The following PDE11A variants were observed in gnomAD, a reference collection of about 807,000 sequenced individuals.
PDE11A encodes dual 3',5'-cyclic-AMP and -GMP phosphodiesterase 11A.
A neutral mutation model predicts 100.5 loss-of-function variants in PDE11A; 100 were observed. The observed-to-expected ratio is 1.00, with a 90% CI of 0.85 to 1.18. The LOEUF (loss-of-function observed/expected upper bound fraction) is 1.18, where lower values mean the gene tolerates loss of function less well. Ranked by LOEUF, PDE11A falls within the 50% of genes most tolerant of loss-of-function variation. The pLI, the probability that PDE11A is intolerant of heterozygous loss-of-function variation, is 0.00. For missense variants in PDE11A, 1,141 were observed against 1,152.6 expected (o/e 0.99, Z 0.15); for synonymous variants, 381 against 420.8 (o/e 0.91, Z 1.16).
chr2:177,705,729 A>G (rs1434809779), intron 13 of PDE11A, among the ~76,000 whole-genome samples: 3 of 152,250 alleles, frequency 2.0e-5, no homozygotes, highest in African/African-American at 7.2e-5. Flanking sequence ...AAAGGTAATT[A>G]GGAAATTGAG....
intron 10 of PDE11A, among the ~76,000 whole-genome samples, chr2:177,739,567 G>T (rs2081842773): frequency 6.6e-6 from 1 of 152,102 alleles, no homozygotes; most frequent in African/African-American, 2.4e-5. Flanking sequence ...CAGAAGAAAT[G>T]TTTCAAAATT....
At chr2:177,742,541 C>T (rs185838877) in intron 10 of PDE11A, among the ~76,000 whole-genome samples, 10 of 152,306 alleles carry the variant, frequency 6.6e-5, no homozygotes, top group Non-Finnish European at 1.5e-4. Context: ...TTGACAAATA[C>T]TTAGTGAGGG....
intron 2 of PDE11A, among the ~76,000 whole-genome samples, chr2:177,994,786 T>C (rs551085954): frequency 6.6e-6 from 1 of 152,332 alleles, no homozygotes; most frequent in East Asian, 1.9e-4. Context: ...TTTGTAGTTT[T>C]GTTGTTTTAA....
chr2:177,668,576 T>C (rs957426077), intron 18 of PDE11A, among the ~76,000 whole-genome samples: 2 of 152,216 alleles, frequency 1.3e-5, no homozygotes, highest in Admixed American at 1.3e-4. Flanking sequence ...TTAGCAAGAC[T>C]GTGCGTTCTG....
At chr2:178,048,116 G>A (rs1051208568) in intron 1 of PDE11A, among the ~76,000 whole-genome samples, 52 of 152,298 alleles carry the variant, frequency 3.4e-4, no homozygotes, top group African/African-American at 1.3e-3. Flanking sequence ...TCAATAATCT[G>A]GGTGAAAGAT....
chr2:177,853,637 T>C (rs1401747910), intron 5 of PDE11A, among the ~76,000 whole-genome samples: 2 of 5,332 alleles, frequency 3.8e-4, no homozygotes, highest in East Asian at 9.1e-3. Context: ...AAGTCCTGCA[T>C]ATATATATAT....
At chr2:177,691,800 G>C (rs897007959) in intron 15 of PDE11A, among the ~76,000 whole-genome samples, 19 of 152,144 alleles carry the variant, frequency 1.2e-4, no homozygotes, top group African/African-American at 2.6e-4. Flanking sequence ...GGCCACTGTT[G>C]AAAGTCATTT....
intron 15 of PDE11A, among the ~76,000 whole-genome samples, chr2:177,694,683 T>A (rs1423809107): frequency 6.6e-6 from 1 of 152,232 alleles, no homozygotes; most frequent in Non-Finnish European, 1.5e-5. Context: ...TAAAATTATA[T>A]TTATCAAAGT....
intron 2 of PDE11A, among the ~76,000 whole-genome samples, chr2:177,962,655 G>T (rs2105790765): frequency 6.6e-6 from 1 of 152,202 alleles, no homozygotes; most frequent in Non-Finnish European, 1.5e-5. Flanking sequence ...CATGAAAGAT[G>T]AATTAGGGTC....
chr2:177,698,953 C>T (rs2081157934), intron 14 of PDE11A, among the ~76,000 whole-genome samples: 2 of 152,232 alleles, frequency 1.3e-5, no homozygotes, highest in Admixed American at 6.5e-5. Context: ...CAGAATCTCC[C>T]AAAGAAACAC....
At chr2:177,819,541 T>G (rs1442929970) in intron 7 of PDE11A, among the ~76,000 whole-genome samples, 1 of 152,048 alleles carries the variant, frequency 6.6e-6, no homozygotes, top group African/African-American at 2.4e-5. Flanking sequence ...ATTTGATGCT[T>G]TCCTAATTGA....
chr2:177,821,640 C>CT (rs1451557153), intron 6 of PDE11A, among the ~76,000 whole-genome samples: 1 of 151,598 alleles, frequency 6.6e-6, no homozygotes, highest in Non-Finnish European at 1.5e-5. Flanking sequence ...TGTTGTCAGG[C>CT]TTTTAAAAAA....
intron 12 of PDE11A, among the ~76,000 whole-genome samples, chr2:177,724,247 T>A (rs535104325): frequency 6.6e-6 from 1 of 152,054 alleles, no homozygotes; most frequent in Non-Finnish European, 1.5e-5. Flanking sequence ...AACAAATTAA[T>A]AAGTCATTAA....
intron 5 of PDE11A, among the ~76,000 whole-genome samples, chr2:177,847,989 T>TG (rs1491300808): frequency 0.03 from 4,353 of 146,902 alleles, 78 homozygotes; most frequent in Non-Finnish European, 0.045. Flanking sequence ...GAATGGTGTG[T>TG]TTGTGTGTGT....
chr2:177,894,351 C>T (rs2084576902), intron 4 of PDE11A, among the ~76,000 whole-genome samples: 2 of 152,150 alleles, frequency 1.3e-5, no homozygotes, highest in Non-Finnish European at 2.9e-5. Context: ...GTCTTCACTG[C>T]TTCTGGAATA....
intron 1 of PDE11A, among the ~76,000 whole-genome samples, chr2:178,065,070 GC>G (rs1288494485): frequency 6.6e-6 from 1 of 152,064 alleles, no homozygotes; most frequent in African/African-American, 2.4e-5. Context: ...TAGCCTCAAT[GC>G]CTATAAATGA....
chr2:177,742,796 A>G (rs1164500175), intron 10 of PDE11A, among the ~76,000 whole-genome samples: 1 of 152,206 alleles, frequency 6.6e-6, no homozygotes, highest in Non-Finnish European at 1.5e-5. Context: ...AAGTAAAAGG[A>G]GGCAATGTCT....
chr2:177,820,941 A>T (rs1164620266), intron 6 of PDE11A, among the ~76,000 whole-genome samples: 1 of 151,922 alleles, frequency 6.6e-6, no homozygotes, highest in Non-Finnish European at 1.5e-5. Flanking sequence ...TATTAAAAAC[A>T]GTGGTCCATA....
intron 9 of PDE11A, among the ~76,000 whole-genome samples, chr2:177,812,028 C>T (rs941159760): frequency 3.3e-5 from 5 of 152,160 alleles, no homozygotes; most frequent in African/African-American, 1.2e-4. Context: ...AGACAAAACT[C>T]AATGAAGATT....
Sources: gnomAD v4.1 joint callset for allele counts (sites outside exome capture counted in the v4.1 genomes callset) on GRCh38, gnomAD v4.1.1 for gene constraint, MANE v1.5 for transcripts, NCBI Gene and HGNC (gene_info 2026-07-23, HGNC 2026-07-21) for gene names.